The following VIPR1 variants were observed in gnomAD, a reference collection of about 807,000 sequenced individuals.
The protein encoded by VIPR1 is vasoactive intestinal peptide receptor 1, also known as vasoactive intestinal polypeptide receptor 1.
A neutral mutation model predicts 58.8 loss-of-function variants in VIPR1; 59 were observed. That is an observed-to-expected ratio of 1.00 (90% confidence interval 0.81 to 1.25). The LOEUF is 1.25. VIPR1 is among the 50% of genes most tolerant of loss of function. The probability of loss-of-function intolerance (pLI) is 0.00; values close to 1 mark genes in which losing one functional copy is unlikely to be tolerated. For missense variants in VIPR1, 626 were observed against 602.7 expected, an observed-to-expected ratio of 1.04 and a Z score of -0.40; for synonymous variants, 251 against 242.1, an observed-to-expected ratio of 1.04 and a Z score of -0.34.
In VIPR1 at chr3:42,528,068, T is replaced by A; in HGVS notation, c.581T>A (p.Ile194Asn). Residue 194 changes from isoleucine (I) to asparagine (N), a missense_variant, in exon 6 of 13, where the codon ATC becomes AAC. Ile to Asn is a moderately radical substitution (Grantham distance 149, BLOSUM62 -3). Transcript: ENST00000325123. ...SFILRAAAVF[I>N]KDLALFDSGE... is the part of the protein sequence containing the mutation. ...ATCCTGAGGGCTGCCGCTGTCTTCA[T>A]CAAAGACTTGGCCCTCTTCGACAGC... The A allele has an allele frequency of 6.2e-7, 1 of 1,614,086 alleles. No homozygotes were observed.
chr3:42,502,899 G>A, intron 1 of VIPR1, 86 bp downstream of exon 1: 2 of 1,031,888 alleles, frequency 1.9e-6, no homozygotes, highest in Non-Finnish European at 2.5e-6. Context: ...GAGCCGGGCC[G>A]TCTGTGCGCG....
intron 10 of VIPR1, chr3:42,532,541 A>T (rs1701627974): frequency 1.6e-6 from 1 of 618,960 alleles, no homozygotes; most frequent in African/African-American, 1.8e-5. Flanking sequence ...AGAGCCCTGC[A>T]TGCTTCTCCT....
At position 42,525,872 on chromosome 3, in the gene VIPR1, CT is replaced by C; in HGVS notation, c.293-14del. 1 of 1,596,636 alleles carries C rather than the reference CT, an allele frequency of 6.3e-7. No individual in the cohort carries two copies. The highest frequency in any genetic ancestry group is 8.5e-7 in the Non-Finnish European group (1 of 1,171,936). On this transcript the variant is annotated splice_polypyrimidine_tract_variant and intron_variant, in intron 3 of 12. Coordinates refer to ENST00000325123, the MANE Select transcript of VIPR1 (RefSeq NM_004624.4). ...CCGGCCTCAGCCTTTGTCCTTGCCC[CT>C]GCCCTCCACCCAGGCCGCAATGTAA...
intron 2 of VIPR1, among the ~76,000 whole-genome samples, chr3:42,518,339 A>G (rs1267632023): frequency 6.6e-6 from 1 of 152,198 alleles, no homozygotes; most frequent in African/African-American, 2.4e-5. Flanking sequence ...CAAAACATTG[A>G]ACAACTCTTA....
Position 42,527,544 on chromosome 3 carries a change from TC to T in VIPR1, c.503+51del, listed in dbSNP as rs767383068. 2.0e-4 allele frequency: 323 copies of T among 1,587,828 alleles called. 1 individual carries two copies. The highest frequency in any genetic ancestry group is 5.0e-4 in the Middle Eastern group (3 of 6,012). On this transcript the variant is annotated intron_variant, in intron 5 of 12. Transcript: ENST00000325123. ...GGCCTCAAAGCAAACCTGGCAAGTG[TC>T]CCTCCCACAGTGGAGCCCAGCGTGG...
At position 42,536,175 on chromosome 3, in the gene VIPR1, G is replaced by A; in HGVS notation, c.1268G>A (p.Gly423Glu). Residue 423 changes from glycine (G) to glutamate (E), a missense_variant, in exon 13 of 13, where the codon GGA (glycine) becomes GAA (glutamate). By Grantham distance (98) the Gly-to-Glu change is moderately conservative. Coordinates refer to ENST00000325123, the MANE Select transcript of VIPR1 (RefSeq NM_004624.4). ...GWNPKYRHPS[G>E]GSNGATCSTQ... ...AACCCCAAATACCGGCACCCGTCGG[G>A]AGGCAGCAACGGCGCCACGTGCAGC... The A allele has an allele frequency of 6.2e-7, 1 of 1,607,452 alleles. No homozygotes were observed. Among genetic ancestry groups the A allele is most frequent in the Non-Finnish European group, 8.5e-7 (1 of 1,177,666 alleles).
At chr3:42,527,629 C>T in intron 5 of VIPR1, 133 bp downstream of exon 5, 1 of 825,006 alleles carries the variant, frequency 1.2e-6, no homozygotes, top group Non-Finnish European at 1.9e-6. Flanking sequence ...TCCCCAGCTC[C>T]TGCCAGGCCA....
At chr3:42,494,083 C>T (rs1406962955) in intron 1 of VIPR1, among the ~76,000 whole-genome samples, 3 of 152,234 alleles carry the variant, frequency 2.0e-5, no homozygotes, top group African/African-American at 7.2e-5. Context: ...TCAAACCTTC[C>T]CCAGTGGGGC....
At chr3:42,517,068 G>T (rs948914050) in intron 2 of VIPR1, among the ~76,000 whole-genome samples, 1 of 152,200 alleles carries the variant, frequency 6.6e-6, no homozygotes, top group Non-Finnish European at 1.5e-5. Context: ...CAGGTTGGGG[G>T]AAAAGTGGTC....
Position 42,513,775 on chromosome 3 carries a change from G to C in VIPR1, c.105G>C (p.Glu35Asp). The C allele has an allele frequency of 6.4e-7, 1 of 1,551,604 alleles. No individual in the cohort carries two copies. The highest frequency in any genetic ancestry group is 1.2e-5 in the South Asian group (1 of 84,060). The change falls in exon 2 of 13, where the codon GAG becomes GAC. Residue 35 changes from glutamate to aspartate, a missense_variant. Coordinates refer to ENST00000325123, the MANE Select transcript of VIPR1 (RefSeq NM_004624.4). Reference sequence around the variant, plus strand: ...GCGGCCAGGCGGCCAGGCTGCAGGAGGAGTGTGACTATGTGCAGATGATCG... The same window carrying C: ...GCGGCCAGGCGGCCAGGCTGCAGGACGAGTGTGACTATGTGCAGATGATCG... The part of the protein sequence containing the change: ...PAGGQAARLQ[E>D]ECDYVQMIEV...
chr3:42,492,173 C>T (rs1699676984), intron 1 of VIPR1, among the ~76,000 whole-genome samples: 1 of 151,944 alleles, frequency 6.6e-6, no homozygotes, highest in African/African-American at 2.4e-5. Flanking sequence ...ATCCTCTGCC[C>T]ACCCTCCTCA....
chr3:42,519,221 A>G lies in VIPR1; in HGVS notation c.185-2A>G. The G allele has an allele frequency of 6.2e-7, 1 of 1,605,640 alleles. No individual in the cohort carries two copies. The highest frequency in any genetic ancestry group is 2.3e-5 in the East Asian group (1 of 44,210). Reference sequence around the variant, plus strand: ...CATGTGTCTTCTGCCTTACCCCCATAGGCTGCAGCAAGATGTGGGACAACC... The same window carrying G: ...CATGTGTCTTCTGCCTTACCCCCATGGGCTGCAGCAAGATGTGGGACAACC... On this transcript the variant is annotated splice_acceptor_variant, in intron 2 of 12. Coordinates refer to ENST00000325123, the MANE Select transcript of VIPR1 (RefSeq NM_004624.4). LOFTEE classifies it high-confidence loss of function.
chr3:42,498,379 G>A (rs1384447605), upstream of VIPR1, among the ~76,000 whole-genome samples: 4 of 152,156 alleles, frequency 2.6e-5, no homozygotes, highest in African/African-American at 4.8e-5. Context: ...GACTTTTTCA[G>A]ATCTGCAATG....
intron 10 of VIPR1, chr3:42,532,799 A>G (rs1701639945): frequency 5.3e-6 from 1 of 188,664 alleles, no homozygotes; most frequent in East Asian, 1.3e-4. Context: ...TGCAGTTTAC[A>G]TGCCAGGCAC....
At chr3:42,491,713 T>A (rs1263357951) in intron 1 of VIPR1, among the ~76,000 whole-genome samples, 1 of 152,158 alleles carries the variant, frequency 6.6e-6, no homozygotes, top group Non-Finnish European at 1.5e-5. Context: ...TAGCTGGGGC[T>A]ACAGGCGTGC....
chr3:42,528,213 C>CCCTCCTCCCTCTT, intron 6 of VIPR1, 90 bp downstream of exon 6: 1 of 1,503,466 alleles, frequency 6.7e-7, no homozygotes, highest in Non-Finnish European at 8.9e-7. Flanking sequence ...TTCTCCCTCT[C>CCCTCCTCCCTCTT]CCTCCTCCCT....
chr3:42,511,176 G>C lies in VIPR1; in HGVS notation c.79-2573G>C, dbSNP rs539147789. Reference sequence around the variant, plus strand: ...CATTCACAGACCCAGACAATATTAAGAGAACCTGATTTTTCTCCATCTCTC... The same window carrying C: ...CATTCACAGACCCAGACAATATTAACAGAACCTGATTTTTCTCCATCTCTC... On this transcript the variant is annotated intron_variant, in intron 1 of 12. Transcript: ENST00000325123. 5.8e-4 allele frequency among the ~76,000 whole-genome samples: 88 copies of C among 152,320 alleles called. 1 individual carries two copies. In the South Asian group the frequency reaches 0.016, roughly 28 times the overall value.
Position 42,532,256 on chromosome 3 carries a change from G to GT in VIPR1, c.936dup (p.Ile313TyrfsTer20). 1.2e-6 allele frequency: 2 copies of GT among 1,614,160 alleles called. No homozygotes were observed. Among genetic ancestry groups the GT allele is most frequent in the Non-Finnish European group, 1.7e-6 (2 of 1,180,036 alleles). On this transcript the variant is annotated frameshift_variant, in exon 10 of 13. Transcript: ENST00000325123. LOFTEE classifies it high-confidence loss of function. ...CCACCCACTAGGTAAACTTCATCCT[G>GT]TTTATTTGCATCATCCGAATCCTGC...
chr3:42,510,972 T>C (rs1559482609), intron 1 of VIPR1, among the ~76,000 whole-genome samples: 2 of 152,136 alleles, frequency 1.3e-5, no homozygotes, highest in South Asian at 4.1e-4. Flanking sequence ...GCAAACTATA[T>C]GGCCACAGTC....
Sources: allele counts gnomAD v4.1 joint callset (sites outside exome capture counted in the v4.1 genomes callset), GRCh38; gene constraint gnomAD v4.1.1; transcripts MANE v1.5; gene names NCBI Gene and HGNC (gene_info 2026-07-23, HGNC 2026-07-21).